C5: variants seen among roughly 807,000 people sequenced by gnomAD.
C5 encodes the protein C3 and PZP-like alpha-2-macroglobulin domain-containing protein 4.
A neutral mutation model predicts 218.8 loss-of-function variants in C5; 140 were observed. That is an observed-to-expected ratio of 0.64 (90% CI 0.56 to 0.74). The LOEUF (loss-of-function observed/expected upper bound fraction) is 0.74. Among genes scored for constraint, C5 ranks in the 30% least tolerant of loss-of-function variants. The pLI is 0.00. For synonymous variants in C5, 614 were observed against 682.3 expected (o/e 0.90, Z 1.56); for missense variants, 1,700 against 1,969.6 (o/e 0.86, Z 2.59).
chr9:121,032,982 C>G (rs1173038484), intron 5 of C5, among the ~76,000 whole-genome samples: 1 of 150,880 alleles, frequency 6.6e-6, no homozygotes, highest in Non-Finnish European at 1.5e-5. Flanking sequence ...GCCTGGGTGA[C>G]AGAGTGAGAC....
chr9:121,018,654 A>AGAAAGAAAAGAAAGAAG (rs2047332250), intron 12 of C5, among the ~76,000 whole-genome samples: 3 of 114,284 alleles, frequency 2.6e-5, no homozygotes, highest in African/African-American at 9.7e-5. Flanking sequence ...AGGGAAAGAA[A>AGAAAGAAAAGAAAGAAG]GAAAGAAGGA....
the C5 span, among the ~76,000 whole-genome samples, chr9:121,066,198 G>A: frequency 6.6e-6 from 1 of 151,176 alleles, no homozygotes; most frequent in African/African-American, 2.4e-5. Flanking sequence ...TGTAGTCCCA[G>A]CTACTCAGGA....
rs891891110 is a variant in C5 at position 120,960,947 on chromosome 9, A to G, written c.4588+535T>C. On this transcript the variant is annotated intron_variant, in intron 37 of 40. Coordinates refer to ENST00000223642, the MANE Select transcript of C5 (RefSeq NM_001735.3). ...TGATTTATAGCTATAAAATGGCACA[A>G]TAAGTACCTAGAAAATGTGTAGATA... 1.6e-4 allele frequency among the ~76,000 whole-genome samples: 25 copies of G among 152,242 alleles called. 1 individual carries two copies. Among genetic ancestry groups the G allele is most frequent in the African/African-American group, 5.5e-4 (23 of 41,464 alleles).
chr9:121,049,338 T>C (rs1404192784), intron 1 of C5, among the ~76,000 whole-genome samples: 1 of 152,210 alleles, frequency 6.6e-6, no homozygotes, highest in Admixed American at 6.6e-5. Context: ...TAGCTGCTCG[T>C]CTTTCAAAAA....
the C5 span, among the ~76,000 whole-genome samples, chr9:121,059,281 G>A: frequency 6.6e-6 from 1 of 152,258 alleles, no homozygotes. The surrounding 1 kb of genome is among the most constrained non-coding windows in gnomAD (Gnocchi z 4.1). Flanking sequence ...AAAATCCAGT[G>A]TTAATAATGG....
intron 5 of C5, among the ~76,000 whole-genome samples, 178 bp from the exon 6 acceptor site, chr9:121,032,373 A>T (rs1017629939): frequency 6.6e-6 from 1 of 152,178 alleles, no homozygotes; most frequent in Non-Finnish European, 1.5e-5. Context: ...CATTTTTAGG[A>T]TAATAGATAA....
At chr9:121,038,587 C>G (rs2047550565) in intron 3 of C5, among the ~76,000 whole-genome samples, 1 of 152,112 alleles carries the variant, frequency 6.6e-6, no homozygotes, top group Non-Finnish European at 1.5e-5. Flanking sequence ...TTAATAGATC[C>G]CTACTTTTTA....
At chr9:121,062,576 G>A in the C5 span, among the ~76,000 whole-genome samples, 1 of 152,082 alleles carries the variant, frequency 6.6e-6, no homozygotes, top group Non-Finnish European at 1.5e-5. Flanking sequence ...CAAGGTATTG[G>A]CAGAGTAAAC....
intron 20 of C5, among the ~76,000 whole-genome samples, chr9:121,000,914 A>T (rs1305768050): frequency 6.6e-6 from 1 of 152,154 alleles, no homozygotes; most frequent in Admixed American, 6.5e-5. Context: ...TCCCACTTAT[A>T]AGTGAGAACA....
intron 39 of C5, among the ~76,000 whole-genome samples, chr9:120,954,389 T>C (rs924971717): frequency 6.6e-6 from 1 of 152,250 alleles, no homozygotes; most frequent in East Asian, 1.9e-4. Flanking sequence ...TCAAAGATAG[T>C]AATTTTGGGA....
At chr9:121,045,391 CT>C (rs1215878391) in intron 2 of C5, among the ~76,000 whole-genome samples, 2 of 152,126 alleles carry the variant, frequency 1.3e-5, no homozygotes, top group South Asian at 2.1e-4. Context: ...ACGGTACAAT[CT>C]TATGCTTATG....
rs539377046 is a variant in C5 at position 120,989,200 on chromosome 9, A to G, written c.3155-79T>C. 1.0e-4 allele frequency: 118 copies of G among 1,129,482 alleles called. 3 individuals carry two copies. The South Asian group carries it at 1.4e-3, about 14-fold the overall frequency. The allele number at this position is 1,129,482 out of a possible 1,614,324, so 70.0% of individuals were successfully genotyped here. A position where few individuals can be genotyped will look rare whatever the true frequency, so the allele number is the denominator to read the frequency against. ...AAAGAACACTTTATCAGGCCCTGAG[A>G]ATGGTAAGCTTCCTTTGGTGTTGGG... On this transcript the variant is annotated intron_variant, in intron 24 of 40. Transcript: ENST00000223642.
intron 20 of C5, among the ~76,000 whole-genome samples, 188 bp from the exon 21 acceptor site, chr9:120,997,962 C>G (rs538471494): frequency 6.6e-6 from 1 of 152,088 alleles, no homozygotes; most frequent in Admixed American, 6.6e-5. Flanking sequence ...GCCACCACAC[C>G]CAGCTAATTT....
intron 38 of C5, among the ~76,000 whole-genome samples, chr9:120,959,471 G>C (rs1386726341): frequency 6.6e-6 from 1 of 151,696 alleles, no homozygotes; most frequent in Non-Finnish European, 1.5e-5. Flanking sequence ...GTTTGCCCCA[G>C]GCTGGTCTCA....
chr9:121,015,378 T>C (rs564827636), intron 15 of C5, 117 bp from the exon 16 acceptor site: 31 of 679,218 alleles, frequency 4.6e-5, no homozygotes, highest in Non-Finnish European at 7.5e-5. Context: ...CCTTAACAAA[T>C]ATTGAGGGGC....
rs1408641136 is a variant in C5 at position 121,018,845 on chromosome 9, T to G, written c.1507-993A>C. On this transcript the variant is annotated intron_variant, in intron 12 of 40. Coordinates refer to ENST00000223642, the MANE Select transcript of C5 (RefSeq NM_001735.3). The stretch of plus-strand genomic sequence containing the variant: ...TATGGGCCTACTATGTGCCAGGAAC[T>G]TTAACATGTATTTAACTCCTTTCAT... Among the ~76,000 whole-genome samples, 4 of 152,108 alleles carry G rather than the reference T, an allele frequency of 2.6e-5. No individual in the cohort carries two copies. The East Asian group carries it at 7.7e-4, about 29-fold the overall frequency.
At chr9:121,037,990 A>G in intron 3 of C5, 39 bp from the exon 4 acceptor site, 1 of 937,830 alleles carries the variant, frequency 1.1e-6, no homozygotes, top group Non-Finnish European at 1.7e-6. Flanking sequence ...CTCTGCTAAA[A>G]ACAAGGATAT....
chr9:121,028,368 C>T (rs945384348), intron 7 of C5, among the ~76,000 whole-genome samples: 1 of 152,202 alleles, frequency 6.6e-6, no homozygotes, highest in African/African-American at 2.4e-5. Context: ...GATTATAAAT[C>T]ATGCTGCTAT....
intron 33 of C5, among the ~76,000 whole-genome samples, chr9:120,965,751 C>T (rs2046862820): frequency 6.6e-6 from 1 of 152,110 alleles, no homozygotes. Flanking sequence ...AGAAGCAGAG[C>T]ACTCTTGCTC....
Sources: gnomAD v4.1 joint callset for allele counts (sites outside exome capture counted in the v4.1 genomes callset) on GRCh38, gnomAD v4.1.1 for gene constraint, Gnocchi (gnomAD v3.1) non-coding constraint, MANE v1.5 for transcripts, NCBI Gene and HGNC (gene_info 2026-07-23, HGNC 2026-07-21) for gene names.